Variants in NLRC3 observed in about 807,000 individuals in gnomAD.
The protein encoded by NLRC3 is NLR family CARD domain containing 3.
In NLRC3, 87 loss-of-function variants were observed where a neutral mutation model predicts 91.6. The observed-to-expected ratio is 0.95, with a 90% CI of 0.80 to 1.14. NLRC3 has a LOEUF of 1.14. Among genes scored for constraint, NLRC3 ranks in the 50% most tolerant of loss-of-function variants. The pLI is 0.00. For synonymous variants in NLRC3, 694 were observed against 625.3 expected (o/e 1.11, Z -1.64); for missense variants, 1,577 against 1,418.6 (o/e 1.11, Z -1.79).
At chr16:3,558,068 G>C (rs1284842900) in intron 6 of NLRC3, among the ~76,000 whole-genome samples, 1 of 152,220 alleles carries the variant, frequency 6.6e-6, no homozygotes, top group African/African-American at 2.4e-5. Context: ...GGCTGTGCGT[G>C]GTGGCTCATG....
intron 15 of NLRC3, chr16:3,544,952 C>G (rs906391742): frequency 6.6e-6 from 1 of 152,464 alleles, no homozygotes; most frequent in Admixed American, 6.5e-5. Flanking sequence ...CCTTGGCATC[C>G]CAAATTGCTG....
rs1389954092 is a variant in NLRC3, at chr16:3,541,811, TC to T, written c.*13del. The T allele has an allele frequency of 3.2e-6, 5 of 1,571,596 alleles. No individual in the cohort carries two copies. The highest frequency in any genetic ancestry group is 2.2e-5 in the South Asian group (2 of 89,188). ...GCTGAGCATCTGCCCATTCTCCTGA[TC>T]CGTCCACCAGGATCACATTTCAACA... On this transcript the variant is annotated 3_prime_UTR_variant, in exon 20 of 20. Transcript: ENST00000359128.
At chr16:3,568,338 A>G (rs2039964122) in intron 1 of NLRC3, among the ~76,000 whole-genome samples, 2 of 152,344 alleles carry the variant, frequency 1.3e-5, no homozygotes, top group South Asian at 4.1e-4. Context: ...CTGGAACATT[A>G]GGAACAGGCC....
At chr16:3,543,298 T>C in intron 17 of NLRC3, 127 bp downstream of exon 17, 1 of 713,168 alleles carries the variant, frequency 1.4e-6, no homozygotes, top group Non-Finnish European at 2.4e-6. Context: ...ACTGGTATAC[T>C]TGCACTGAAA....
intron 2 of NLRC3, 54 bp downstream of exon 2, chr16:3,567,189 A>C (rs1251382247): frequency 1.3e-5 from 2 of 150,710 alleles, no homozygotes. Context: ...CCCACACCCA[A>C]GCTGTACACT....
At chr16:3,551,692 CA>C (rs1223881333) in intron 10 of NLRC3, among the ~76,000 whole-genome samples, 2 of 151,712 alleles carry the variant, frequency 1.3e-5, no homozygotes, top group Admixed American at 6.6e-5. Context: ...TCCATTCACT[CA>C]TTCATCCACT....
intron 1 of NLRC3, among the ~76,000 whole-genome samples, chr16:3,576,858 T>C (rs2040320945): frequency 6.6e-6 from 1 of 152,070 alleles, no homozygotes; most frequent in African/African-American, 2.4e-5. Flanking sequence ...TTAGTAGAGA[T>C]GGGGTTTCAC....
intron 1 of NLRC3, among the ~76,000 whole-genome samples, chr16:3,576,360 G>T (rs1354100160): frequency 6.6e-6 from 1 of 152,206 alleles, no homozygotes; most frequent in Non-Finnish European, 1.5e-5. Flanking sequence ...CTCGCCTGGG[G>T]GCGGCGCCTG....
chr16:3,550,731 G>T (rs1327179279), intron 10 of NLRC3, among the ~76,000 whole-genome samples: 1 of 152,192 alleles, frequency 6.6e-6, no homozygotes, highest in Non-Finnish European at 1.5e-5. Context: ...GGCAAGAAGG[G>T]TCAACCCTTC....
intron 1 of NLRC3, among the ~76,000 whole-genome samples, chr16:3,568,015 G>A (rs2039951041): frequency 1.3e-5 from 2 of 151,700 alleles, no homozygotes; most frequent in African/African-American, 2.4e-5. Context: ...ACAGGCACAT[G>A]CCACCACACC....
In NLRC3 at chr16:3,541,379, AC is replaced by A. The variant is rs1277490039; in HGVS notation, c.*445del. On this transcript the variant is annotated 3_prime_UTR_variant, in exon 20 of 20. Transcript: ENST00000359128. Reference sequence around the variant, plus strand: ...AAGATAAAGAAGGGTCCCCTCTGTTACCCCTACCAAACGGATGCTCCTCACG... The same window carrying A: ...AAGATAAAGAAGGGTCCCCTCTGTTACCCTACCAAACGGATGCTCCTCACG... 1 of 157,624 alleles carries A rather than the reference AC, an allele frequency of 6.3e-6. No individual in the cohort carries two copies. The highest frequency in any genetic ancestry group is 1.4e-5 in the Non-Finnish European group (1 of 71,882). 9.8% of individuals were successfully genotyped at this position (157,624 alleles called of 1,614,324 possible). A position where few individuals can be genotyped will look rare whatever the true frequency, so the allele number is the denominator to read the frequency against.
Position 3,563,217 on chromosome 16 carries a change from G to C in NLRC3, c.1720C>G (p.Leu574Val), listed in dbSNP as rs1232528009. 1.2e-6 allele frequency: 2 copies of C among 1,601,000 alleles called. No individual in the cohort carries two copies. Among genetic ancestry groups the C allele is most frequent in the Admixed American group, 3.4e-5 (2 of 58,952 alleles). The change falls in exon 5 of 20, where the codon CTG (leucine) becomes GTG (valine). Residue 574 changes from leucine (L) to valine (V), a missense_variant. Physicochemically the swap from Leu to Val is conservative, Grantham distance 32. Coordinates refer to ENST00000359128, the MANE Select transcript of NLRC3 (RefSeq NM_178844.4). The stretch of plus-strand genomic sequence containing the variant: ...CTGCGGGCCAGCTCGGTGTGCTGCA[G>C]CTCATGCAGGCAGTGCAACACGTTG... ...AINVLHCLHE[L>V]QHTELARSVE...
At position 3,559,724 on chromosome 16, in the gene NLRC3, T is replaced by G. The variant is rs565165910; in HGVS notation, c.2015+1978A>C. Among the ~76,000 whole-genome samples the G allele has an allele frequency of 1.3e-4, 19 of 151,656 alleles. No individual in the cohort carries two copies. The South Asian group carries it at 1.9e-3, about 15-fold the overall frequency. On this transcript the variant is annotated intron_variant, in intron 6 of 19. Coordinates refer to ENST00000359128, the MANE Select transcript of NLRC3 (RefSeq NM_178844.4). ...CGCAATCTTGGCTCACTGCAACTTC[T>G]GCCTCCCAGACTCAAGCAGTTCTCC...
intron 1 of NLRC3, among the ~76,000 whole-genome samples, chr16:3,574,083 C>G (rs2040196593): frequency 8.0e-6 from 1 of 125,718 alleles, no homozygotes; most frequent in South Asian, 2.7e-4. Flanking sequence ...AGTGTCGTGG[C>G]ACTATCTCGT....
rs565215801 is a variant in NLRC3, at chr16:3,564,888, G to C, written c.149C>G (p.Pro50Arg). Residue 50 changes from proline (P) to arginine (R), a missense_variant, in exon 4 of 20, where the codon CCG becomes CGG. Coordinates refer to ENST00000359128, the MANE Select transcript of NLRC3 (RefSeq NM_178844.4). The surrounding 1 kb of genome is among the most constrained non-coding windows in gnomAD (Gnocchi z 5.9). ...GCTGCAGGGCCCCAGCGGGGCATCC[G>C]GTGTCCTATCCAGGGCCTGCGGGGC... ...SQAPQALDRT[P>R]DAPLGPCSND... The C allele has an allele frequency of 2.5e-6, 4 of 1,608,894 alleles. No homozygotes were observed. The highest frequency in any genetic ancestry group is 2.7e-5 in the African/African-American group (2 of 74,930).
chr16:3,564,470 C>G lies in NLRC3; in HGVS notation c.467G>C (p.Arg156Thr). Residue 156 changes from arginine (R) to threonine (T), a missense_variant, in exon 5 of 20, where the codon AGG (arginine) becomes ACG (threonine). By Grantham distance (71) the Arg-to-Thr change is moderately conservative. Transcript: ENST00000359128. The surrounding 1 kb of genome is among the most constrained non-coding windows in gnomAD (Gnocchi z 5.9). ...ATGGGCCCAGAGGCGGACGAAGTGC[C>G]TCACCAGGGTGGTCTTGCCCATGCC... is the stretch of plus-strand genomic sequence containing the variant. The part of the protein sequence containing the change: ...VAGMGKTTLV[R>T]HFVRLWAHGQ... 6.2e-7 allele frequency: 1 copy of G among 1,612,582 alleles called. No individual in the cohort carries two copies. Among genetic ancestry groups the G allele is most frequent in the Non-Finnish European group, 8.5e-7 (1 of 1,179,872 alleles).
chr16:3,568,626 C>G (rs1053326469), intron 1 of NLRC3, among the ~76,000 whole-genome samples: 7 of 152,116 alleles, frequency 4.6e-5, no homozygotes, highest in Non-Finnish European at 1.0e-4. Context: ...ACTCAGTAGG[C>G]TGAGGTGAGA....
chr16:3,544,709 C>A, intron 15 of NLRC3: 1 of 222,720 alleles, frequency 4.5e-6, no homozygotes, highest in Non-Finnish European at 9.2e-6. Context: ...TCTCACTCTG[C>A]CACCCAGGCT....
chr16:3,560,293 T>TGC (rs1567140002), intron 6 of NLRC3, among the ~76,000 whole-genome samples: 1 of 151,936 alleles, frequency 6.6e-6, no homozygotes, highest in African/African-American at 2.4e-5. Flanking sequence ...TGTGGTGGCA[T>TGC]GCGCCTGTAG....
Sources: gnomAD v4.1 joint callset for allele counts (sites outside exome capture counted in the v4.1 genomes callset) on GRCh38, gnomAD v4.1.1 for gene constraint, Gnocchi (gnomAD v3.1) non-coding constraint, MANE v1.5 for transcripts, NCBI Gene and HGNC (gene_info 2026-07-23, HGNC 2026-07-21) for gene names.